PTPRT: variants seen among roughly 807,000 people sequenced by gnomAD.
The protein encoded by PTPRT is protein tyrosine phosphatase receptor type T, also known as receptor-type tyrosine-protein phosphatase T.
A neutral mutation model predicts 176.8 loss-of-function variants in PTPRT; 56 were observed. The ratio of observed to expected loss-of-function variants is 0.32; its 90% CI spans 0.26 to 0.40. PTPRT has a LOEUF of 0.40. Ranked by LOEUF, PTPRT falls within the 10% of genes least tolerant of loss-of-function variation. The probability of loss-of-function intolerance (pLI) is 1.00; values close to 1 mark genes in which losing one functional copy is unlikely to be tolerated. For synonymous variants in PTPRT, 783 were observed against 739.0 expected (o/e 1.06, Z -0.96); for missense variants, 1,540 against 1,908.2 (o/e 0.81, Z 3.60).
intron 1 of PTPRT, among the ~76,000 whole-genome samples, chr20:43,061,350 T>C (rs1213133260): frequency 1.3e-5 from 2 of 152,224 alleles, no homozygotes; most frequent in African/African-American, 2.4e-5. Flanking sequence ...GCCAGGTGGA[T>C]GACATCTGCC....
Position 42,076,473 on chromosome 20 carries a change from G to A in PTPRT, c.*4406C>T, listed in dbSNP as rs772287399. On this transcript the variant is annotated 3_prime_UTR_variant, in exon 31 of 31. Coordinates refer to ENST00000373187, the MANE Select transcript of PTPRT (RefSeq NM_007050.6). ...GCAAATCCTCATCATTCTAGTGTGA[G>A]TTAATGGGTTCCTTCCAGCACCCAA... 4.8e-6 allele frequency: 1 copy of A among 207,962 alleles called. No individual in the cohort carries two copies. Among genetic ancestry groups the A allele is most frequent in the Non-Finnish European group, 9.8e-6 (1 of 101,956 alleles). 12.9% of individuals were successfully genotyped at this position (207,962 alleles called of 1,614,324 possible).
intron 6 of PTPRT, among the ~76,000 whole-genome samples, chr20:42,708,325 G>T (rs931681247): frequency 6.6e-6 from 1 of 152,128 alleles, no homozygotes; most frequent in Non-Finnish European, 1.5e-5. Flanking sequence ...TGAACAGACA[G>T]GATAGACTCT....
In PTPRT at chr20:42,161,473, T is replaced by C. The variant is rs1458598044; in HGVS notation, c.2561A>G (p.Asp854Gly). ...TIQTHPYRTC[D>G]PVEMSYPRDQ... ...CCGGGGGTAGCTCATCTCCACAGGG[T>C]CACAGGTGCGGTAGGGATGAGTCTG... The change falls in exon 17 of 31, where the codon GAC becomes GGC. Residue 854 changes from aspartate (D) to glycine (G), a missense_variant. By Grantham distance (94) the Asp-to-Gly change is moderately conservative. Transcript: ENST00000373187. The C allele has an allele frequency of 6.2e-7, 1 of 1,614,004 alleles. No homozygotes were observed. Among genetic ancestry groups the C allele is most frequent in the Admixed American group, 1.7e-5 (1 of 60,004 alleles).
intron 16 of PTPRT, among the ~76,000 whole-genome samples, chr20:42,168,948 T>C (rs1188505590): frequency 6.6e-6 from 1 of 152,198 alleles, no homozygotes; most frequent in Non-Finnish European, 1.5e-5. Context: ...GTTGAACTTG[T>C]AGAACTAATA....
chr20:42,913,943 T>C (rs1052300440), intron 1 of PTPRT, among the ~76,000 whole-genome samples: 1 of 152,236 alleles, frequency 6.6e-6, no homozygotes, highest in African/African-American at 2.4e-5. Context: ...TTTATCCATG[T>C]AATACATATT....
intron 1 of PTPRT, among the ~76,000 whole-genome samples, chr20:43,035,947 A>G (rs978591880): frequency 4.7e-4 from 72 of 152,308 alleles, no homozygotes; most frequent in African/African-American, 1.7e-3. Flanking sequence ...GCCCTGAACC[A>G]TAAACATACA....
chr20:42,972,705 A>G (rs978778180), intron 1 of PTPRT, among the ~76,000 whole-genome samples: 2 of 150,902 alleles, frequency 1.3e-5, no homozygotes, highest in Non-Finnish European at 3.0e-5. Flanking sequence ...AAAAGGAAGA[A>G]GAAGAATTTG....
intron 18 of PTPRT, among the ~76,000 whole-genome samples, chr20:42,141,178 C>T (rs1172272176): frequency 6.6e-6 from 1 of 152,180 alleles, no homozygotes; most frequent in African/African-American, 2.4e-5. Flanking sequence ...CCGAGGTGCA[C>T]TGATGCAGAC....
chr20:42,910,027 A>G (rs2079525142), intron 1 of PTPRT, among the ~76,000 whole-genome samples: 1 of 152,128 alleles, frequency 6.6e-6, no homozygotes, highest in Non-Finnish European at 1.5e-5. Flanking sequence ...ACACCTTTGA[A>G]TCTTTTACAG....
At chr20:42,378,288 T>C (rs13433281) in intron 9 of PTPRT, among the ~76,000 whole-genome samples, 3,019 of 152,270 alleles carry the variant, frequency 0.02, 95 homozygotes, top group African/African-American at 0.07. Flanking sequence ...TGATTCTTTT[T>C]CTGTTCTCAG....
intron 7 of PTPRT, among the ~76,000 whole-genome samples, chr20:42,530,330 G>C (rs1294610280): frequency 6.6e-6 from 1 of 152,178 alleles, no homozygotes. Flanking sequence ...TCATTGCTCA[G>C]TCACTGCATG....
intron 7 of PTPRT, among the ~76,000 whole-genome samples, chr20:42,498,637 A>C (rs1047773284): frequency 6.6e-6 from 1 of 152,126 alleles, no homozygotes; most frequent in African/African-American, 2.4e-5. Context: ...TTTTAGCTCT[A>C]ATAAGAAACA....
intron 1 of PTPRT, among the ~76,000 whole-genome samples, chr20:43,152,703 T>C (rs142033699): frequency 2.0e-5 from 3 of 152,360 alleles, no homozygotes; most frequent in African/African-American, 7.2e-5. Flanking sequence ...TCCTGGAAGA[T>C]ACTATACAAT....
At chr20:43,117,110 G>A (rs991689312) in intron 1 of PTPRT, among the ~76,000 whole-genome samples, 1 of 152,060 alleles carries the variant, frequency 6.6e-6, no homozygotes, top group Non-Finnish European at 1.5e-5. Flanking sequence ...GGGGCAAGCA[G>A]AGACATGCGC....
intron 9 of PTPRT, among the ~76,000 whole-genome samples, chr20:42,440,699 G>C (rs562483692): frequency 2.0e-5 from 3 of 151,868 alleles, no homozygotes; most frequent in South Asian, 4.2e-4. Flanking sequence ...GGATGGTCTC[G>C]ATCTCCTGAC....
intron 18 of PTPRT, among the ~76,000 whole-genome samples, chr20:42,139,326 C>A (rs1450352000): frequency 1.3e-5 from 2 of 152,122 alleles, no homozygotes; most frequent in Non-Finnish European, 2.9e-5. Flanking sequence ...TGCTTCAGTT[C>A]TCTCTGTCTC....
chr20:42,195,235 G>T (rs1991166911), intron 16 of PTPRT, among the ~76,000 whole-genome samples: 1 of 152,154 alleles, frequency 6.6e-6, no homozygotes, highest in African/African-American at 2.4e-5. Flanking sequence ...GGGCCTACCT[G>T]GTCAATAATG....
intron 1 of PTPRT, among the ~76,000 whole-genome samples, chr20:42,959,157 C>A (rs1177155051): frequency 2.0e-5 from 3 of 152,108 alleles, no homozygotes; most frequent in Non-Finnish European, 4.4e-5. Context: ...TGTCTTTGGA[C>A]AGGTTAAGTT....
chr20:42,956,688 G>A (rs1008300968), intron 1 of PTPRT, among the ~76,000 whole-genome samples: 2 of 152,100 alleles, frequency 1.3e-5, no homozygotes, highest in African/African-American at 2.4e-5. Context: ...TCCCACCTGG[G>A]CAGAAAGGGC....
Sources: allele counts gnomAD v4.1 joint callset (sites outside exome capture counted in the v4.1 genomes callset), GRCh38; gene constraint gnomAD v4.1.1; transcripts MANE v1.5; gene names NCBI Gene and HGNC (gene_info 2026-07-23, HGNC 2026-07-21).